The following SUGT1 variants were observed in gnomAD, a reference collection of about 807,000 sequenced individuals.
The protein encoded by SUGT1 is SGT1 assembly cochaperone of MIS12 kinetochore complex, also known as protein SGT1 homolog.
In SUGT1, 15 loss-of-function variants were observed where a neutral mutation model predicts 56.1. The ratio of observed to expected loss-of-function variants is 0.27; its 90% CI spans 0.18 to 0.41. The LOEUF (loss-of-function observed/expected upper bound fraction) is 0.41, where lower values mean the gene tolerates loss of function less well. Ranked by LOEUF, SUGT1 falls within the 10% of genes least tolerant of loss-of-function variation. SUGT1 has a pLI of 1.00. For missense variants in SUGT1, 347 were observed against 382.2 expected (o/e 0.91, Z 0.77); for synonymous variants, 123 against 128.6 (o/e 0.96, Z 0.30).
At chr13:52,664,111 G>A in intron 8 of SUGT1, 54 bp downstream of exon 8, 1 of 1,551,724 alleles carries the variant, frequency 6.4e-7, no homozygotes, top group Admixed American at 1.8e-5. Flanking sequence ...TAAAGAGGAA[G>A]AAACCCTGTA....
At chr13:52,654,952 T>C (rs1962088218) in intron 2 of SUGT1, among the ~76,000 whole-genome samples, 1 of 152,226 alleles carries the variant, frequency 6.6e-6, no homozygotes, top group South Asian at 2.1e-4. Flanking sequence ...TGTATGTACC[T>C]AGGAGAAGAA....
At chr13:52,683,174 G>T (rs1180008668) in intron 12 of SUGT1, among the ~76,000 whole-genome samples, 1 of 152,042 alleles carries the variant, frequency 6.6e-6, no homozygotes, top group Non-Finnish European at 1.5e-5. Flanking sequence ...GGACATCCTT[G>T]CCTTGTTTCC....
Position 52,688,933 on chromosome 13 carries a change from A to G in SUGT1, c.*1098A>G, listed in dbSNP as rs978896752. ...TCTAGGCTGTTATAAAGTATAGACT[A>G]TGGATGACCTGTAGATCTGACTTTG... On this transcript the variant is annotated 3_prime_UTR_variant, in exon 13 of 13. Transcript: ENST00000310528. 2 of 152,338 alleles carry G rather than the reference A, an allele frequency of 1.3e-5. No individual in the cohort carries two copies. Among genetic ancestry groups the G allele is most frequent in the Admixed American group, 6.5e-5 (1 of 15,302 alleles). 9.4% of individuals were successfully genotyped at this position (152,338 alleles called of 1,614,324 possible). A position where few individuals can be genotyped will look rare whatever the true frequency, so the allele number is the denominator to read the frequency against.
rs1363794273 is a variant in SUGT1 at position 52,690,366 on chromosome 13, C to T, written c.*2531C>T. On this transcript the variant is annotated 3_prime_UTR_variant, in exon 13 of 13. Coordinates refer to ENST00000310528, the MANE Select transcript of SUGT1 (RefSeq NM_006704.5). ...TCAATGTAGCTATTAATTGTTCCCT[C>T]TTTGTTTCTAGACTCCAATTTTCAT... is the stretch of plus-strand genomic sequence containing the variant. The T allele has an allele frequency of 6.7e-6, 1 of 149,830 alleles. No individual in the cohort carries two copies. The highest frequency in any genetic ancestry group is 1.5e-5 in the Non-Finnish European group (1 of 67,698). The allele number at this position is 149,830 out of a possible 1,614,324, so 9.3% of individuals were successfully genotyped here. A position where few individuals can be genotyped will look rare whatever the true frequency, so the allele number is the denominator to read the frequency against.
At chr13:52,675,769 G>T (rs1443572145) in intron 10 of SUGT1, among the ~76,000 whole-genome samples, 2 of 152,206 alleles carry the variant, frequency 1.3e-5, no homozygotes, top group African/African-American at 4.8e-5. Flanking sequence ...TTTAGAATCA[G>T]ATTTCTCTGT....
intron 9 of SUGT1, among the ~76,000 whole-genome samples, chr13:52,666,150 A>G (rs557333466): frequency 1.3e-5 from 2 of 152,276 alleles, no homozygotes; most frequent in African/African-American, 4.8e-5. Flanking sequence ...CAGTGGCGCA[A>G]TTTCGGCTCA....
At chr13:52,670,084 TC>T (rs1658375158) in intron 10 of SUGT1, among the ~76,000 whole-genome samples, 1 of 152,180 alleles carries the variant, frequency 6.6e-6, no homozygotes, top group Non-Finnish European at 1.5e-5. Context: ...AAGGGCGATT[TC>T]TTTGCTTTTG....
intron 12 of SUGT1, 88 bp from the exon 13 acceptor site, chr13:52,687,646 G>C: frequency 1.1e-6 from 1 of 923,192 alleles, no homozygotes; most frequent in Non-Finnish European, 1.6e-6. Flanking sequence ...GCCAATATTT[G>C]GGGCTCTATG....
intron 7 of SUGT1, among the ~76,000 whole-genome samples, chr13:52,663,781 A>G (rs925491880): frequency 3.3e-5 from 5 of 152,218 alleles, no homozygotes; most frequent in Admixed American, 3.3e-4. Flanking sequence ...CTGTTATTTT[A>G]GAGCAAAAAT....
chr13:52,667,867 G>A lies in SUGT1; in HGVS notation c.627+948G>A, dbSNP rs147599432. Among the ~76,000 whole-genome samples the A allele has an allele frequency of 2.8e-3, 423 of 152,214 alleles. 1 individual carries two copies. Among genetic ancestry groups the A allele is most frequent in the Non-Finnish European group, 4.5e-3 (304 of 68,020 alleles). On this transcript the variant is annotated intron_variant, in intron 10 of 12. Transcript: ENST00000310528. ...TCAGCACCTTTGAAAGGAGGGCTGT[G>A]GACCAAATGAACTCTGGAGTCCTTT... is the stretch of plus-strand genomic sequence containing the variant.
At chr13:52,680,392 A>G (rs914509000) in intron 12 of SUGT1, among the ~76,000 whole-genome samples, 1 of 152,186 alleles carries the variant, frequency 6.6e-6, no homozygotes, top group Non-Finnish European at 1.5e-5. Context: ...AGTGAGTTAG[A>G]TTGATATGGA....
At position 52,666,833 on chromosome 13, in the gene SUGT1, C is replaced by G; in HGVS notation, c.541C>G (p.Pro181Ala). The G allele has an allele frequency of 1.2e-6, 2 of 1,613,108 alleles. No individual in the cohort carries two copies. Among genetic ancestry groups the G allele is most frequent in the South Asian group, 2.2e-5 (2 of 90,984 alleles). The change falls in exon 10 of 13, where the codon CCT (proline) becomes GCT (alanine). Residue 181 changes from proline to alanine, a missense_variant. Transcript: ENST00000310528. ...TTAGTTGTCTGCTTTGGTTAAACTT[C>G]CTTCTGGAGAGGATTACAATTTGAA... is the stretch of plus-strand genomic sequence containing the variant. The part of the protein sequence containing the change: ...EKELSALVKL[P>A]SGEDYNLKLE...
chr13:52,678,446 C>T (rs527550064), intron 11 of SUGT1, among the ~76,000 whole-genome samples: 2 of 152,178 alleles, frequency 1.3e-5, no homozygotes, highest in Non-Finnish European at 2.9e-5. Context: ...TTGGGAGGAA[C>T]ATTTAGATTA....
chr13:52,653,313 TC>T (rs1315698213), intron 2 of SUGT1, among the ~76,000 whole-genome samples: 1 of 152,098 alleles, frequency 6.6e-6, no homozygotes, highest in East Asian at 1.9e-4. Context: ...CCCTTTCCAC[TC>T]CCTACAGCTC....
rs534319103 is a variant in SUGT1 at position 52,684,462 on chromosome 13, T to C, written c.901-3272T>C. Among the ~76,000 whole-genome samples the C allele has an allele frequency of 1.4e-4, 22 of 152,096 alleles. No individual in the cohort carries two copies. In the South Asian group the frequency reaches 4.4e-3, roughly 30 times the overall value. On this transcript the variant is annotated intron_variant, in intron 12 of 12. Transcript: ENST00000310528. ...TTCATTTCTATTTTTATTTTCTTCC[T>C]TCTGCTTGCTTTAAGGTGCATTTTG...
intron 11 of SUGT1, among the ~76,000 whole-genome samples, chr13:52,678,724 G>C (rs1036916228): frequency 2.0e-5 from 3 of 150,722 alleles, no homozygotes; most frequent in Non-Finnish European, 4.4e-5. Context: ...TGTCACCCAG[G>C]CTGGAATGCA....
chr13:52,658,440 A>T lies in SUGT1; in HGVS notation c.229A>T (p.Asn77Tyr). 6.2e-7 allele frequency: 1 copy of T among 1,613,186 alleles called. No homozygotes were observed. The highest frequency in any genetic ancestry group is 8.5e-7 in the Non-Finnish European group (1 of 1,179,742). ...DAKKSLELNP[N>Y]NSTAMLRKGI... Reference sequence around the variant, plus strand: ...AAAGAAGTCTCTAGAACTCAATCCAAATAATTCCACTGCTATGCTGAGAAA... The same window carrying T: ...AAAGAAGTCTCTAGAACTCAATCCATATAATTCCACTGCTATGCTGAGAAA... Residue 77 changes from asparagine to tyrosine, a missense_variant, in exon 4 of 13, where the codon AAT becomes TAT. By Grantham distance (143) the Asn-to-Tyr change is moderately radical (BLOSUM62 -2). Coordinates refer to ENST00000310528, the MANE Select transcript of SUGT1 (RefSeq NM_006704.5).
intron 2 of SUGT1, 41 bp downstream of exon 2, chr13:52,653,144 G>A: frequency 1.2e-6 from 2 of 1,612,922 alleles, no homozygotes; most frequent in Non-Finnish European, 1.7e-6. Flanking sequence ...CTTCTTAGGG[G>A]AGCTGGGCCA....
chr13:52,690,217 A>G lies in SUGT1; in HGVS notation c.*2382A>G, dbSNP rs924773540. ...GGCTAGATTGCTGCCTAAGAATCCC[A>G]CTCTAAAGTACTGCTTTGTTTAATC... On this transcript the variant is annotated 3_prime_UTR_variant, in exon 13 of 13. Transcript: ENST00000310528. 1.3e-5 allele frequency: 2 copies of G among 152,112 alleles called. No individual in the cohort carries two copies. Among genetic ancestry groups the G allele is most frequent in the Non-Finnish European group, 2.9e-5 (2 of 68,014 alleles). The allele number at this position is 152,112 out of a possible 1,614,324, so 9.4% of individuals were successfully genotyped here. A position where few individuals can be genotyped will look rare whatever the true frequency, so the allele number is the denominator to read the frequency against.
Sources: gnomAD v4.1 joint callset for allele counts (sites outside exome capture counted in the v4.1 genomes callset) on GRCh38, gnomAD v4.1.1 for gene constraint, MANE v1.5 for transcripts, NCBI Gene and HGNC (gene_info 2026-07-23, HGNC 2026-07-21) for gene names.